NDUFA7: variants seen among roughly 807,000 people sequenced by gnomAD.
The protein encoded by NDUFA7 is NADH dehydrogenase [ubiquinone] 1 alpha subcomplex subunit 7.
NDUFA7 carries 18 observed loss-of-function variants against 14.2 expected under a neutral mutation model. That is an observed-to-expected ratio of 1.27 (90% CI 0.88 to 1.88). The LOEUF is 1.88. NDUFA7 is among the 40% of genes most tolerant of loss of function. The pLI, the probability that NDUFA7 is intolerant of heterozygous loss-of-function variation, is 0.00. For synonymous variants in NDUFA7, 75 were observed against 62.1 expected (o/e 1.21, Z -0.98); for missense variants, 172 against 147.3 (o/e 1.17, Z -0.87).
chr19:8,311,713 A>G, intron 3 of NDUFA7, 118 bp from the exon 4 acceptor site: 1 of 769,534 alleles, frequency 1.3e-6, no homozygotes, highest in Non-Finnish European at 2.1e-6. Flanking sequence ...CCTGCAGGAC[A>G]GACAGCAGGG....
intron 3 of NDUFA7, among the ~76,000 whole-genome samples, chr19:8,312,283 GT>G (rs1970187584): frequency 6.6e-6 from 1 of 152,216 alleles, no homozygotes; most frequent in Non-Finnish European, 1.5e-5. Context: ...GGAGGGTGGG[GT>G]GATGGAGGAG....
intron 2 of NDUFA7, among the ~76,000 whole-genome samples, chr19:8,320,107 G>C (rs113469419): frequency 0.022 from 3,347 of 152,248 alleles, 172 homozygotes; most frequent in South Asian, 0.17. Context: ...GCCTGCCTCA[G>C]CCTCCCCAAG....
chr19:8,312,999 G>C (rs112335430), intron 3 of NDUFA7, among the ~76,000 whole-genome samples: 7 of 152,114 alleles, frequency 4.6e-5, no homozygotes, highest in African/African-American at 1.7e-4. Context: ...GTTTCGCCCT[G>C]TTGGCCAGGC....
intron 1 of NDUFA7, 196 bp downstream of exon 1, chr19:8,321,112 T>C: frequency 1.1e-6 from 1 of 879,438 alleles, no homozygotes; most frequent in Non-Finnish European, 1.7e-6. Context: ...GGTCGGGGAC[T>C]GGGGAAATCC....
At chr19:8,315,050 T>C (rs889348840) in intron 3 of NDUFA7, among the ~76,000 whole-genome samples, 5 of 152,196 alleles carry the variant, frequency 3.3e-5, no homozygotes, top group Non-Finnish European at 5.9e-5. Flanking sequence ...CAGTGCAGGA[T>C]GTGCTTTGTT....
downstream of NDUFA7, chr19:8,309,019 G>A (rs1263953279): frequency 6.8e-6 from 1 of 148,032 alleles, no homozygotes; most frequent in African/African-American, 2.6e-5. Context: ...CCAGGAGTTC[G>A]AGATCAGCCT....
chr19:8,321,155 TCC>T, intron 1 of NDUFA7, 151 bp downstream of exon 1: 3 of 1,042,956 alleles, frequency 2.9e-6, no homozygotes, highest in Non-Finnish European at 4.1e-6. Flanking sequence ...CAGGAGAGGG[TCC>T]CGGGCTGAAG....
At chr19:8,317,410 C>G (rs1304717306) in intron 2 of NDUFA7, among the ~76,000 whole-genome samples, 2 of 152,038 alleles carry the variant, frequency 1.3e-5, no homozygotes, top group Admixed American at 6.6e-5. Flanking sequence ...TACTAAAATA[C>G]AAAAATTAGC....
At chr19:8,320,744 G>C (rs909110775) in intron 2 of NDUFA7, 113 bp downstream of exon 2, 1 of 1,278,866 alleles carries the variant, frequency 7.8e-7, no homozygotes, top group Non-Finnish European at 1.1e-6. Context: ...CCTGGCAGGG[G>C]ACTGGTGGCA....
At chr19:8,316,735 G>A in intron 2 of NDUFA7, 90 bp from the exon 3 acceptor site, 1 of 1,489,506 alleles carries the variant, frequency 6.7e-7, no homozygotes, top group Non-Finnish European at 9.2e-7. Context: ...CACAAAATGT[G>A]GGATCTACAG....
chr19:8,321,170 G>A (rs1253128083), intron 1 of NDUFA7, 138 bp downstream of exon 1: 1 of 1,144,550 alleles, frequency 8.7e-7, no homozygotes, highest in Non-Finnish European at 1.2e-6. Flanking sequence ...GGCTGAAGGG[G>A]TGACTAGCTG....
intron 3 of NDUFA7, among the ~76,000 whole-genome samples, chr19:8,316,206 A>G (rs965894270): frequency 6.6e-6 from 1 of 151,716 alleles, no homozygotes; most frequent in Non-Finnish European, 1.5e-5. Flanking sequence ...TGTAACACCA[A>G]TTACTGGGGA....
Position 8,319,856 on chromosome 19 carries a change from A to AT in NDUFA7, c.101+1000dup, listed in dbSNP as rs541145729. Among the ~76,000 whole-genome samples, 496 of 151,022 alleles carry AT rather than the reference A, an allele frequency of 3.3e-3. 1 individual carries two copies. Among genetic ancestry groups the AT allele is most frequent in the Non-Finnish European group, 5.4e-3 (363 of 67,712 alleles). Reference sequence around the variant, plus strand: ...CTGCTCAGAATGTTTTTTCTTTTTTATTTTTTTGAGACAGAGTGTTGTTCT... The same window carrying AT: ...CTGCTCAGAATGTTTTTTCTTTTTTATTTTTTTTGAGACAGAGTGTTGTTCT... On this transcript the variant is annotated intron_variant, in intron 2 of 3. Coordinates refer to ENST00000301457, the MANE Select transcript of NDUFA7 (RefSeq NM_005001.5).
chr19:8,318,616 T>C (rs975522579), intron 2 of NDUFA7, among the ~76,000 whole-genome samples: 13 of 135,362 alleles, frequency 9.6e-5, no homozygotes, highest in African/African-American at 3.1e-4. Context: ...CAGTGAGCTA[T>C]GATTGTGCCA....
intron 3 of NDUFA7, 32 bp from the exon 4 acceptor site, chr19:8,311,627 C>A: frequency 6.3e-7 from 1 of 1,590,274 alleles, no homozygotes; most frequent in Non-Finnish European, 8.6e-7. Context: ...GTGAGGGTTT[C>A]CAAAGAACAG....
intron 3 of NDUFA7, among the ~76,000 whole-genome samples, chr19:8,312,696 T>C (rs1262297174): frequency 6.7e-6 from 1 of 150,064 alleles, no homozygotes; most frequent in Admixed American, 6.6e-5. Context: ...GGGTCTCACT[T>C]TGTCACCCAG....
At chr19:8,310,158 G>A (rs547397823), downstream of NDUFA7, among the ~76,000 whole-genome samples, 9 of 152,298 alleles carry the variant, frequency 5.9e-5, no homozygotes, top group South Asian at 4.1e-4. Context: ...GGCCAGGCGC[G>A]GTGGCTCACG....
intron 3 of NDUFA7, among the ~76,000 whole-genome samples, chr19:8,315,862 A>G (rs1299780763): frequency 6.6e-6 from 1 of 152,030 alleles, no homozygotes; most frequent in Non-Finnish European, 1.5e-5. Flanking sequence ...AACAAAAACA[A>G]AAACAAAACA....
At chr19:8,316,148 C>CA (rs60161246) in intron 3 of NDUFA7, among the ~76,000 whole-genome samples, 14,133 of 80,088 alleles carry the variant, frequency 0.18, 1,263 homozygotes, top group Non-Finnish European at 0.25. Flanking sequence ...GACTCCGTCT[C>CA]AAAAAAAAAA....
Sources: gnomAD v4.1 joint callset for allele counts (sites outside exome capture counted in the v4.1 genomes callset) on GRCh38, gnomAD v4.1.1 for gene constraint, MANE v1.5 for transcripts, NCBI Gene and HGNC (gene_info 2026-07-23, HGNC 2026-07-21) for gene names.